Variants in EEF1A2 observed in about 807,000 individuals in gnomAD.
EEF1A2 encodes the protein elongation factor 1-alpha 2.
In EEF1A2, 5 loss-of-function variants were observed where a neutral mutation model predicts 39.3. The observed-to-expected ratio is 0.13, with a 90% CI of 0.07 to 0.27. The LOEUF is 0.27. EEF1A2 is among the 10% of genes least tolerant of loss of function. The pLI, the probability that EEF1A2 is intolerant of heterozygous loss-of-function variation, is 1.00. For missense variants in EEF1A2, 218 were observed against 681.4 expected, an observed-to-expected ratio of 0.32 and a Z score of 7.57; for synonymous variants, 287 against 293.7, an observed-to-expected ratio of 0.98 and a Z score of 0.23.
At chr20:63,496,330 A>G (rs2082417025) in intron 2 of EEF1A2, 1 of 458,572 alleles carries the variant, frequency 2.2e-6, no homozygotes. Flanking sequence ...AAGCCGCCAG[A>G]TGGGATAAAC....
rs2082425563 is a variant in EEF1A2 at position 63,497,883 on chromosome 20, GGA to G, written c.-71-51_-71-50del. Reference sequence around the variant, plus strand: ...AGACCGGTGATGGGGAGCCCCAGGGGGAGACACCAGCAGAGACTGTCCTGGCA... The same window carrying G: ...AGACCGGTGATGGGGAGCCCCAGGGGGACACCAGCAGAGACTGTCCTGGCA... On this transcript the variant is annotated intron_variant, in intron 1 of 7. Transcript: ENST00000217182. The surrounding 1 kb of genome is among the most constrained non-coding windows in gnomAD (Gnocchi z 7.3). 7.4e-6 allele frequency: 10 copies of G among 1,346,814 alleles called. No individual in the cohort carries two copies. Among genetic ancestry groups the G allele is most frequent in the Non-Finnish European group, 1.0e-5 (10 of 983,790 alleles). 83.4% of individuals were successfully genotyped at this position (1,346,814 alleles called of 1,614,324 possible). A position where few individuals can be genotyped will look rare whatever the true frequency, so the allele number is the denominator to read the frequency against.
Position 63,497,883 on chromosome 20 carries a change from G to T in EEF1A2, c.-71-49C>A. The T allele has an allele frequency of 7.4e-7, 1 of 1,346,932 alleles. No homozygotes were observed. Among genetic ancestry groups the T allele is most frequent in the Non-Finnish European group, 1.0e-6 (1 of 983,782 alleles). The allele number at this position is 1,346,932 out of a possible 1,614,324, so 83.4% of individuals were successfully genotyped here. On this transcript the variant is annotated intron_variant, in intron 1 of 7. Transcript: ENST00000217182. The surrounding 1 kb of genome is among the most constrained non-coding windows in gnomAD (Gnocchi z 7.3). ...AGACCGGTGATGGGGAGCCCCAGGG[G>T]GAGACACCAGCAGAGACTGTCCTGG...
At position 63,488,503 on chromosome 20, in the gene EEF1A2, G is replaced by A. The variant is rs989182012; in HGVS notation, c.1265-78C>T. ...AACCCCAGGGCTCTGGCCGGGCGGG[G>A]GCGCAACCGCGTCGGGAATGTCCTC... is the stretch of plus-strand genomic sequence containing the variant. On this transcript the variant is annotated intron_variant, in intron 7 of 7. Coordinates refer to ENST00000217182, the MANE Select transcript of EEF1A2 (RefSeq NM_001958.5). 31 of 1,311,958 alleles carry A rather than the reference G, an allele frequency of 2.4e-5. No homozygotes were observed. The African/African-American group carries it at 3.0e-4, about 13-fold the overall frequency. The allele number at this position is 1,311,958 out of a possible 1,614,324, so 81.3% of individuals were successfully genotyped here. A position where few individuals can be genotyped will look rare whatever the true frequency, so the allele number is the denominator to read the frequency against.
intron 3 of EEF1A2, among the ~76,000 whole-genome samples, chr20:63,495,304 G>A (rs188556781): frequency 8.3e-4 from 127 of 152,370 alleles, no homozygotes; most frequent in African/African-American, 2.2e-3. Context: ...TCAGGGGACC[G>A]AGGTTCAGCC....
chr20:63,497,892 A>T lies in EEF1A2; in HGVS notation c.-71-58T>A, dbSNP rs1198034640. ...ATGGGGAGCCCCAGGGGGAGACACC[A>T]GCAGAGACTGTCCTGGCACAGGCTG... On this transcript the variant is annotated intron_variant, in intron 1 of 7. Coordinates refer to ENST00000217182, the MANE Select transcript of EEF1A2 (RefSeq NM_001958.5). This position sits in a 1 kb window ranked among gnomAD's most constrained non-coding sequence, Gnocchi z 7.3. 1 of 1,274,940 alleles carries T rather than the reference A, an allele frequency of 7.8e-7. No homozygotes were observed. Among genetic ancestry groups the T allele is most frequent in the African/African-American group, 1.5e-5 (1 of 67,020 alleles). 79.0% of individuals were successfully genotyped at this position (1,274,940 alleles called of 1,614,324 possible).
chr20:63,492,028 T>C (rs1487540960), intron 5 of EEF1A2, among the ~76,000 whole-genome samples: 1 of 83,994 alleles, frequency 1.2e-5, no homozygotes, highest in African/African-American at 5.6e-5. Flanking sequence ...ATGGATGAGA[T>C]GGATGGATGG....
intron 4 of EEF1A2, among the ~76,000 whole-genome samples, chr20:63,494,503 G>A (rs2082407515): frequency 6.6e-6 from 1 of 152,248 alleles, no homozygotes; most frequent in Admixed American, 6.5e-5. Flanking sequence ...GCAGGGCTCT[G>A]GAGACCAAGC....
chr20:63,493,961 C>T (rs1216443354), intron 4 of EEF1A2, among the ~76,000 whole-genome samples: 2 of 152,220 alleles, frequency 1.3e-5, no homozygotes, highest in East Asian at 1.9e-4. Context: ...GAGTGGCGTT[C>T]GCCACATGAT....
At position 63,488,143 on chromosome 20, in the gene EEF1A2, G is replaced by C. The variant is rs1315704857; in HGVS notation, c.*155C>G. 1 of 317,904 alleles carries C rather than the reference G, an allele frequency of 3.1e-6. No homozygotes were observed. The highest frequency in any genetic ancestry group is 6.6e-5 in the Admixed American group (1 of 15,216). 19.7% of individuals were successfully genotyped at this position (317,904 alleles called of 1,614,324 possible). A position where few individuals can be genotyped will look rare whatever the true frequency, so the allele number is the denominator to read the frequency against. ...CCTTGATGGCGAGCATCCAGTCGCTGACCGAGGGCCTCTGGCAAGCGGAGG... is the reference window on the plus strand; with the variant it reads ...CCTTGATGGCGAGCATCCAGTCGCTCACCGAGGGCCTCTGGCAAGCGGAGG... On this transcript the variant is annotated 3_prime_UTR_variant, in exon 8 of 8. Coordinates refer to ENST00000217182, the MANE Select transcript of EEF1A2 (RefSeq NM_001958.5).
chr20:63,489,650 G>A (rs1362998221), intron 6 of EEF1A2, among the ~76,000 whole-genome samples: 3 of 152,164 alleles, frequency 2.0e-5, no homozygotes, highest in African/African-American at 7.2e-5. Flanking sequence ...AGGCGTGGTG[G>A]CACATGCCTG....
intron 5 of EEF1A2, among the ~76,000 whole-genome samples, chr20:63,492,822 A>ATGGT (rs2082396647): frequency 8.1e-6 from 1 of 123,968 alleles, no homozygotes; most frequent in Non-Finnish European, 1.8e-5. Flanking sequence ...AGAAGGATGG[A>ATGGT]TGGGACAATG....
chr20:63,492,445 A>AATGG (rs200488738), intron 5 of EEF1A2, among the ~76,000 whole-genome samples: 56 of 88,324 alleles, frequency 6.3e-4, no homozygotes, highest in South Asian at 2.7e-3. Context: ...TGGTTGAGAC[A>AATGG]ATGGATGGAT....
At chr20:63,494,665 G>GAAAC in intron 4 of EEF1A2, 140 bp downstream of exon 4, 1 of 1,251,192 alleles carries the variant, frequency 8.0e-7, no homozygotes, top group Admixed American at 2.5e-5. Context: ...GCCAGTTAGG[G>GAAAC]AAACCCAGCA....
chr20:63,498,075 T>G lies in EEF1A2; in HGVS notation c.-71-241A>C. ...CCCATCTGCTGTAAATAACTGGGCG[T>G]TGGAGCCCGCGGGCTGCTCCTTGGG... On this transcript the variant is annotated intron_variant, in intron 1 of 7. Transcript: ENST00000217182. This position sits in a 1 kb window ranked among gnomAD's most constrained non-coding sequence, Gnocchi z 4.1. 1 of 271,402 alleles carries G rather than the reference T, an allele frequency of 3.7e-6. No individual in the cohort carries two copies. 16.8% of individuals were successfully genotyped at this position (271,402 alleles called of 1,614,324 possible).
intron 6 of EEF1A2, among the ~76,000 whole-genome samples, chr20:63,489,564 C>A (rs1269934898): frequency 1.3e-5 from 2 of 152,144 alleles, no homozygotes; most frequent in Non-Finnish European, 2.9e-5. Context: ...ACGTGGATCA[C>A]TTGAGGTCAG....
In EEF1A2 at chr20:63,495,048, G is replaced by A; in HGVS notation, c.378C>T (p.Gly126=). The A allele has an allele frequency of 1.2e-6, 2 of 1,612,518 alleles. No homozygotes were observed. Among genetic ancestry groups the A allele is most frequent in the African/African-American group, 1.3e-5 (1 of 75,042 alleles). The change falls in exon 4 of 8, where the codon GGC becomes GGT. Residue 126 remains glycine, a synonymous_variant. Transcript: ENST00000217182. ...CCCGCGTCTGCCCATTCTTGGAGAT[G>A]CCCGCCTCGAACTCGCCCACGCCCG... ...VAAGVGEFEA[G]ISKNGQTREH...
chr20:63,493,038 A>G, intron 5 of EEF1A2, 99 bp downstream of exon 5: 1 of 1,439,016 alleles, frequency 6.9e-7, no homozygotes, highest in Non-Finnish European at 9.2e-7. Context: ...AAGGGGAGAG[A>G]TTGGAGACAG....
At chr20:63,492,412 G>A (rs1201489055) in intron 5 of EEF1A2, among the ~76,000 whole-genome samples, 19 of 151,110 alleles carry the variant, frequency 1.3e-4, no homozygotes, top group Non-Finnish European at 1.5e-4. Flanking sequence ...ATGGATGGAT[G>A]GATGGATAGA....
intron 5 of EEF1A2, among the ~76,000 whole-genome samples, chr20:63,492,639 ACAAT>A (rs139768452): frequency 0.29 from 24,476 of 83,682 alleles, 3,312 homozygotes; most frequent in Middle Eastern, 0.42. Context: ...GATGGGTGGG[ACAAT>A]CAATGGATGG....
Sources: gnomAD v4.1 joint callset for allele counts (sites outside exome capture counted in the v4.1 genomes callset) on GRCh38, gnomAD v4.1.1 for gene constraint, Gnocchi (gnomAD v3.1) non-coding constraint, MANE v1.5 for transcripts, NCBI Gene and HGNC (gene_info 2026-07-23, HGNC 2026-07-21) for gene names.